Variants in TTBK2 observed in about 807,000 individuals in gnomAD.
The protein encoded by TTBK2 is tau-tubulin kinase 2.
In TTBK2, 28 loss-of-function variants were observed where a neutral mutation model predicts 110.8. That is an observed-to-expected ratio of 0.25 (90% CI 0.19 to 0.35). The LOEUF (loss-of-function observed/expected upper bound fraction) is 0.35, where lower values mean the gene tolerates loss of function less well. TTBK2 is among the 10% of genes least tolerant of loss of function. TTBK2 has a pLI of 1.00. For missense variants in TTBK2, 1,369 were observed against 1,500.3 expected (o/e 0.91, Z 1.45); for synonymous variants, 532 against 527.3 (o/e 1.01, Z -0.12).
At chr15:42,901,432 T>C (rs1016056384) in intron 1 of TTBK2, among the ~76,000 whole-genome samples, 2 of 151,928 alleles carry the variant, frequency 1.3e-5, no homozygotes, top group Non-Finnish European at 2.9e-5. Flanking sequence ...CAATAATTTC[T>C]TGGATATAAT....
At chr15:42,763,340 A>G (rs1375448202) in intron 13 of TTBK2, among the ~76,000 whole-genome samples, 1 of 145,936 alleles carries the variant, frequency 6.9e-6, no homozygotes, top group Non-Finnish European at 1.5e-5. Flanking sequence ...CAGCCTCCCA[A>G]GTAGCTGGGA....
chr15:42,906,144 C>T (rs2030383161), intron 1 of TTBK2, among the ~76,000 whole-genome samples: 1 of 151,916 alleles, frequency 6.6e-6, no homozygotes, highest in South Asian at 2.1e-4. Context: ...GCCAGGATCA[C>T]ACCATTGCAC....
At chr15:42,831,626 C>G (rs1892765485) in intron 4 of TTBK2, among the ~76,000 whole-genome samples, 1 of 152,124 alleles carries the variant, frequency 6.6e-6, no homozygotes, top group Non-Finnish European at 1.5e-5. Context: ...TAATGTAAAG[C>G]TGTTTTCCAA....
At chr15:42,770,616 A>T (rs577247840) in intron 13 of TTBK2, among the ~76,000 whole-genome samples, 1 of 152,342 alleles carries the variant, frequency 6.6e-6, no homozygotes, top group Admixed American at 6.5e-5. Flanking sequence ...AATATCAAAT[A>T]CAATTACAAA....
At chr15:42,794,849 C>A in intron 9 of TTBK2, 48 bp from the exon 10 acceptor site, 1 of 1,605,062 alleles carries the variant, frequency 6.2e-7, no homozygotes, top group South Asian at 1.1e-5. Context: ...TAAACATAGT[C>A]ACTTTATTCT....
chr15:42,893,350 T>G (rs564072019), intron 1 of TTBK2, among the ~76,000 whole-genome samples: 20 of 151,988 alleles, frequency 1.3e-4, no homozygotes, highest in Middle Eastern at 3.4e-3. Context: ...TTTAAAAAAC[T>G]TAACTGCATG....
intron 10 of TTBK2, among the ~76,000 whole-genome samples, chr15:42,793,933 C>G (rs1389714940): frequency 1.3e-5 from 2 of 151,794 alleles, no homozygotes; most frequent in African/African-American, 4.8e-5. Context: ...TTCTTTTCCC[C>G]AGAGACGGGT....
At chr15:42,912,579 C>T (rs952247563) in intron 1 of TTBK2, among the ~76,000 whole-genome samples, 1 of 151,998 alleles carries the variant, frequency 6.6e-6, no homozygotes, top group Non-Finnish European at 1.5e-5. Context: ...GGCCTGGTGG[C>T]GGGTGCCTGT....
chr15:42,872,523 T>TA, intron 3 of TTBK2, 88 bp downstream of exon 3: 2 of 1,473,388 alleles, frequency 1.4e-6, no homozygotes, highest in Non-Finnish European at 1.9e-6. Flanking sequence ...AATTAGTACT[T>TA]AAAGAATGTA....
At chr15:42,823,081 TACTA>T (rs1351158508) in intron 6 of TTBK2, among the ~76,000 whole-genome samples, 4 of 152,214 alleles carry the variant, frequency 2.6e-5, no homozygotes, top group Admixed American at 6.5e-5. Flanking sequence ...AATTCTGAAA[TACTA>T]ACAGAGAAAA....
At position 42,748,216 on chromosome 15, in the gene TTBK2, G is replaced by C. The variant is rs958168468; in HGVS notation, c.3273-1959C>G. The stretch of plus-strand genomic sequence containing the variant: ...TCACACCTGTAATCCCAGCACTTTG[G>C]GGGGTTGAGGTGGGTGGATAGCTTG... On this transcript the variant is annotated intron_variant, in intron 14 of 14. Transcript: ENST00000267890. 2.0e-5 allele frequency among the ~76,000 whole-genome samples: 3 copies of C among 152,104 alleles called. No homozygotes were observed. In the East Asian group the frequency reaches 5.8e-4, roughly 29 times the overall value.
chr15:42,786,551 T>C (rs1890422053), intron 10 of TTBK2, among the ~76,000 whole-genome samples: 1 of 152,216 alleles, frequency 6.6e-6, no homozygotes, highest in African/African-American at 2.4e-5. Context: ...TATTCTGCTT[T>C]TTTTCCAACT....
At chr15:42,794,104 GA>G (rs34009486) in intron 10 of TTBK2, among the ~76,000 whole-genome samples, 17,252 of 87,066 alleles carry the variant, frequency 0.2, 1,166 homozygotes, top group South Asian at 0.31. Flanking sequence ...TAAAAAATTA[GA>G]AAAAAAAAAA....
At chr15:42,792,485 T>A (rs1231857281) in intron 10 of TTBK2, among the ~76,000 whole-genome samples, 5 of 152,218 alleles carry the variant, frequency 3.3e-5, no homozygotes, top group Non-Finnish European at 7.3e-5. Context: ...TATTTTTACT[T>A]CCCTGAAATT....
chr15:42,909,605 T>C (rs2030627747), intron 1 of TTBK2, among the ~76,000 whole-genome samples: 2 of 152,198 alleles, frequency 1.3e-5, no homozygotes, highest in Admixed American at 6.5e-5. Context: ...GGGGCCATTA[T>C]TGCACTTACC....
chr15:42,852,792 T>C (rs1263805054), intron 3 of TTBK2, among the ~76,000 whole-genome samples: 1 of 152,198 alleles, frequency 6.6e-6, no homozygotes. Flanking sequence ...ATACACCCTT[T>C]GGTGGAACAA....
intron 4 of TTBK2, among the ~76,000 whole-genome samples, chr15:42,831,628 G>A (rs141155012): frequency 6.6e-6 from 1 of 152,298 alleles, no homozygotes; most frequent in East Asian, 1.9e-4. Context: ...ATGTAAAGCT[G>A]TTTTCCAAAT....
At chr15:42,772,647 T>C (rs976847058) in intron 13 of TTBK2, among the ~76,000 whole-genome samples, 1 of 152,132 alleles carries the variant, frequency 6.6e-6, no homozygotes, top group Non-Finnish European at 1.5e-5. Context: ...CTAAAGGTAA[T>C]ATTAAAATGA....
At chr15:42,803,199 C>T (rs2140902533) in intron 9 of TTBK2, among the ~76,000 whole-genome samples, 1 of 152,320 alleles carries the variant, frequency 6.6e-6, no homozygotes. Context: ...CTATTACACA[C>T]CTAGGCTATA....
Sources: gnomAD v4.1 joint callset for allele counts (sites outside exome capture counted in the v4.1 genomes callset) on GRCh38, gnomAD v4.1.1 for gene constraint, MANE v1.5 for transcripts, NCBI Gene and HGNC (gene_info 2026-07-23, HGNC 2026-07-21) for gene names.